The following KCNC2 variants were observed in gnomAD, a reference collection of about 807,000 sequenced individuals.
KCNC2 encodes potassium voltage-gated channel subfamily C member 2, also known as voltage-gated potassium channel KCNC2.
In KCNC2, 21 loss-of-function variants were observed where a neutral mutation model predicts 44.5. That is an observed-to-expected ratio of 0.47 (90% CI 0.33 to 0.68). The LOEUF is 0.68. Ranked by LOEUF, KCNC2 falls within the 30% of genes least tolerant of loss-of-function variation. KCNC2 has a pLI of 0.01. For missense variants in KCNC2, 589 were observed against 826.2 expected, an observed-to-expected ratio of 0.71 and a Z score of 3.52; for synonymous variants, 391 against 339.1, an observed-to-expected ratio of 1.15 and a Z score of -1.68.
chr12:75,057,278 T>C (rs1171510418), intron 2 of KCNC2, among the ~76,000 whole-genome samples: 1 of 151,934 alleles, frequency 6.6e-6, no homozygotes, highest in African/African-American at 2.4e-5. Context: ...TACACTAATT[T>C]TGCCATAATT....
In KCNC2 at chr12:75,041,354, G is replaced by A. The variant is rs979368573; in HGVS notation, c.*1751C>T. ...TGTATGTCTGGATAAATACATTGCT[G>A]TACAACATCTCCAACATGCAGGTCA... On this transcript the variant is annotated 3_prime_UTR_variant, in exon 5 of 5. Transcript: ENST00000549446. 1 of 1,451,962 alleles carries A rather than the reference G, an allele frequency of 6.9e-7. No homozygotes were observed. The highest frequency in any genetic ancestry group is 9.1e-7 in the Non-Finnish European group (1 of 1,101,264). The allele number at this position is 1,451,962 out of a possible 1,614,324, so 89.9% of individuals were successfully genotyped here. A position where few individuals can be genotyped will look rare whatever the true frequency, so the allele number is the denominator to read the frequency against.
chr12:75,161,191 C>T (rs969206458), intron 2 of KCNC2, among the ~76,000 whole-genome samples: 1 of 151,516 alleles, frequency 6.6e-6, no homozygotes, highest in African/African-American at 2.4e-5. Context: ...CAAAAGGTGT[C>T]ATGAAAGCAA....
At chr12:75,136,009 C>T (rs1156509526) in intron 2 of KCNC2, among the ~76,000 whole-genome samples, 2 of 152,004 alleles carry the variant, frequency 1.3e-5, no homozygotes, top group Non-Finnish European at 2.9e-5. Flanking sequence ...TTTCCCTCCA[C>T]CTAAGACAAA....
chr12:75,073,589 C>G (rs954777777), intron 2 of KCNC2, among the ~76,000 whole-genome samples: 11 of 152,114 alleles, frequency 7.2e-5, no homozygotes, highest in Non-Finnish European at 1.6e-4. Flanking sequence ...ATATTCTGCA[C>G]AATTTGAAAG....
At chr12:75,120,560 A>T (rs1299358494) in intron 2 of KCNC2, among the ~76,000 whole-genome samples, 1 of 152,204 alleles carries the variant, frequency 6.6e-6, no homozygotes, top group Non-Finnish European at 1.5e-5. Flanking sequence ...AGCTGCTTGG[A>T]GTAAGATCAC....
At chr12:75,137,228 T>G (rs772404350) in intron 2 of KCNC2, among the ~76,000 whole-genome samples, 5 of 152,170 alleles carry the variant, frequency 3.3e-5, no homozygotes, top group Non-Finnish European at 7.4e-5. Context: ...CTTTTTGTCT[T>G]ATAAATACCA....
intron 2 of KCNC2, among the ~76,000 whole-genome samples, chr12:75,132,640 C>T (rs1234374340): frequency 1.3e-5 from 2 of 152,082 alleles, no homozygotes; most frequent in Admixed American, 6.6e-5. Context: ...CCTTCTTTGG[C>T]TTTCTCTAGC....
At chr12:75,208,241 GAC>G (rs1371392507) in intron 1 of KCNC2, among the ~76,000 whole-genome samples, 1 of 152,022 alleles carries the variant, frequency 6.6e-6, no homozygotes, top group African/African-American at 2.4e-5. Flanking sequence ...GACCTTTCAT[GAC>G]ACCGTTTTCC....
intron 2 of KCNC2, among the ~76,000 whole-genome samples, chr12:75,199,257 A>C (rs2137767168): frequency 6.6e-6 from 1 of 151,958 alleles, no homozygotes; most frequent in South Asian, 2.1e-4. Context: ...CAAACCTCTA[A>C]GATTTGATAG....
At chr12:75,173,077 C>A (rs1219526046) in intron 2 of KCNC2, among the ~76,000 whole-genome samples, 1 of 151,856 alleles carries the variant, frequency 6.6e-6, no homozygotes, top group Non-Finnish European at 1.5e-5. Flanking sequence ...ATTACCATCC[C>A]TTTGAATATT....
intron 2 of KCNC2, among the ~76,000 whole-genome samples, chr12:75,119,504 A>G (rs1199037447): frequency 6.6e-6 from 1 of 152,244 alleles, no homozygotes; most frequent in Non-Finnish European, 1.5e-5. Context: ...AAACATATTC[A>G]GAGAAACTGG....
chr12:75,203,235 T>A (rs1473471169), intron 2 of KCNC2, among the ~76,000 whole-genome samples: 1 of 151,816 alleles, frequency 6.6e-6, no homozygotes, highest in Non-Finnish European at 1.5e-5. Context: ...TTAGATCATG[T>A]CTTTCTTGTT....
At chr12:75,145,428 A>C (rs1222233317) in intron 2 of KCNC2, among the ~76,000 whole-genome samples, 1 of 152,018 alleles carries the variant, frequency 6.6e-6, no homozygotes, top group African/African-American at 2.4e-5. Context: ...GGTCTAAGCC[A>C]GCTACATTAA....
chr12:75,106,867 A>G, intron 2 of KCNC2, among the ~76,000 whole-genome samples: 1 of 152,246 alleles, frequency 6.6e-6, no homozygotes, highest in East Asian at 1.9e-4. Context: ...TAGATTTAAC[A>G]CATGTTAATA....
chr12:75,100,189 C>T lies in KCNC2; in HGVS notation c.688-48872G>A, dbSNP rs187368071. 7.8e-3 allele frequency among the ~76,000 whole-genome samples: 1,181 copies of T among 152,096 alleles called. 7 individuals are homozygous for T. The highest frequency in any genetic ancestry group is 0.011 in the Non-Finnish European group (717 of 67,966). On this transcript the variant is annotated intron_variant, in intron 2 of 4. Coordinates refer to ENST00000549446, the MANE Select transcript of KCNC2 (RefSeq NM_139137.4). ...AGTAGGCGAGTTCTATAGTCTTTTT[C>T]ATATCTCAGAGAAAATGGGGTTCTT...
intron 2 of KCNC2, among the ~76,000 whole-genome samples, chr12:75,201,464 A>G (rs2031271786): frequency 6.6e-6 from 1 of 151,686 alleles, no homozygotes; most frequent in Non-Finnish European, 1.5e-5. Context: ...CCAATGTGTC[A>G]TCTCAATGTT....
intron 2 of KCNC2, among the ~76,000 whole-genome samples, chr12:75,119,083 T>G (rs982276676): frequency 1.2e-4 from 19 of 152,156 alleles, no homozygotes; most frequent in Admixed American, 6.5e-5. Context: ...AACGAACCAA[T>G]TAATTGAAAT....
chr12:75,117,191 C>T (rs189905547), intron 2 of KCNC2, among the ~76,000 whole-genome samples: 374 of 152,192 alleles, frequency 2.5e-3, no homozygotes, highest in Non-Finnish European at 3.6e-3. Flanking sequence ...GGTTTAAAGG[C>T]TTACTGTTTT....
intron 2 of KCNC2, among the ~76,000 whole-genome samples, chr12:75,200,702 A>AG (rs1423956807): frequency 6.6e-6 from 1 of 151,836 alleles, no homozygotes; most frequent in East Asian, 1.9e-4. Context: ...TCATTTTAAA[A>AG]TAATCTTCAC....
Sources: allele counts gnomAD v4.1 joint callset (sites outside exome capture counted in the v4.1 genomes callset), GRCh38; gene constraint gnomAD v4.1.1; transcripts MANE v1.5; gene names NCBI Gene and HGNC (gene_info 2026-07-23, HGNC 2026-07-21).